Variants in ITGB6 observed in about 807,000 individuals in gnomAD.
The protein encoded by ITGB6 is integrin subunit beta 6.
In ITGB6, 80 loss-of-function variants were observed where a neutral mutation model predicts 84.5. The ratio of observed to expected loss-of-function variants is 0.95; its 90% CI spans 0.79 to 1.14. The LOEUF is 1.14. Ranked by LOEUF, ITGB6 falls within the 50% of genes most tolerant of loss-of-function variation. The pLI, the probability that ITGB6 is intolerant of heterozygous loss-of-function variation, is 0.00. For missense variants in ITGB6, 1,006 were observed against 968.0 expected (o/e 1.04, Z -0.52); for synonymous variants, 383 against 354.9 (o/e 1.08, Z -0.89).
chr2:160,107,805 C>T lies in ITGB6; in HGVS notation c.2142G>A (p.Gly714=). Residue 714 remains glycine, a synonymous_variant, in exon 14 of 15, where the codon GGG becomes GGA. Coordinates refer to ENST00000283249, the MANE Select transcript of ITGB6 (RefSeq NM_000888.5). ...CGATGAGAAGAATAGCCAGGGAAAC[C>T]CCTAACATGATCATGGGAATGTTTG... ...KPPNIPMIML[G]VSLAILLIGV... The T allele has an allele frequency of 6.2e-7, 1 of 1,613,472 alleles. No homozygotes were observed.
intron 7 of ITGB6, among the ~76,000 whole-genome samples, chr2:160,163,403 G>T (rs962148686): frequency 3.3e-5 from 5 of 152,074 alleles, no homozygotes; most frequent in Non-Finnish European, 7.3e-5. Flanking sequence ...AAGTCGAGGT[G>T]GGTGGATCAT....
At chr2:160,158,285 C>A (rs1684700147) in intron 7 of ITGB6, among the ~76,000 whole-genome samples, 1 of 152,148 alleles carries the variant, frequency 6.6e-6, no homozygotes, top group Non-Finnish European at 1.5e-5. Flanking sequence ...TCCCAGTCTG[C>A]CCAGAATGTA....
intron 4 of ITGB6, among the ~76,000 whole-genome samples, chr2:160,181,054 T>C (rs572921518): frequency 1.3e-5 from 2 of 152,130 alleles, no homozygotes; most frequent in South Asian, 4.2e-4. Context: ...AGCACAAAAC[T>C]GGGTGGCTGT....
At chr2:160,151,476 G>T (rs1684413757) in intron 7 of ITGB6, among the ~76,000 whole-genome samples, 1 of 152,138 alleles carries the variant, frequency 6.6e-6, no homozygotes, top group Non-Finnish European at 1.5e-5. Flanking sequence ...AGCACTAAAA[G>T]CCCTCAAGAG....
At chr2:160,183,081 C>A (rs1023290950) in intron 4 of ITGB6, among the ~76,000 whole-genome samples, 1 of 152,120 alleles carries the variant, frequency 6.6e-6, no homozygotes, top group African/African-American at 2.4e-5. Context: ...GAAAATGCAT[C>A]AACTAACAGG....
intron 7 of ITGB6, among the ~76,000 whole-genome samples, chr2:160,148,387 G>GACAGTGTGGTAGTTTCT (rs1451494822): frequency 1.3e-4 from 20 of 152,202 alleles, no homozygotes; most frequent in Non-Finnish European, 2.6e-4. Context: ...CACTACAAAA[G>GACAGTGTGGTAGTTTCT]ACAGTGTGGT....
rs1173581111 is a variant in ITGB6 at position 160,142,023 on chromosome 2, CCTT to C, written c.1063_1065del (p.Lys355del). Reference sequence around the variant, plus strand: ...ATCAGCTGGAGAATGTTTCCGGAGTCCTTCTGAAGTAGACCTACTGTAGCTCCA... The same window carrying C: ...ATCAGCTGGAGAATGTTTCCGGAGTCCTGAAGTAGACCTACTGTAGCTCCA... On this transcript the variant is annotated inframe_deletion, in exon 8 of 15. Coordinates refer to ENST00000283249, the MANE Select transcript of ITGB6 (RefSeq NM_000888.5). The C allele has an allele frequency of 2.5e-6, 4 of 1,610,354 alleles. No individual in the cohort carries two copies. The highest frequency in any genetic ancestry group is 2.5e-6 in the Non-Finnish European group (3 of 1,177,944).
intron 2 of ITGB6, among the ~76,000 whole-genome samples, chr2:160,197,997 C>T (rs979884788): frequency 2.0e-5 from 3 of 152,196 alleles, no homozygotes; most frequent in African/African-American, 7.2e-5. Context: ...AAGTATTATA[C>T]ACAAGTAAAG....
rs1696724484 is a variant in ITGB6 at position 160,101,681 on chromosome 2, A to G, written c.*55T>C. On this transcript the variant is annotated 3_prime_UTR_variant, in exon 15 of 15. Coordinates refer to ENST00000283249, the MANE Select transcript of ITGB6 (RefSeq NM_000888.5). ...AGCAACAAAGAGAAAAAAATTAAAT[A>G]GTGCATTAACATTTCATATCAGTGA... 2.1e-6 allele frequency: 2 copies of G among 961,322 alleles called. No homozygotes were observed. The highest frequency in any genetic ancestry group is 3.7e-5 in the Admixed American group (2 of 54,356). 59.5% of individuals were successfully genotyped at this position (961,322 alleles called of 1,614,324 possible). A position where few individuals can be genotyped will look rare whatever the true frequency, so the allele number is the denominator to read the frequency against.
At chr2:160,129,725 C>A (rs1258720958) in intron 10 of ITGB6, among the ~76,000 whole-genome samples, 1 of 152,258 alleles carries the variant, frequency 6.6e-6, no homozygotes, top group African/African-American at 2.4e-5. Context: ...TCTGGACTTT[C>A]TCTTGTAAAC....
intron 7 of ITGB6, among the ~76,000 whole-genome samples, chr2:160,157,003 G>A (rs1489784938): frequency 6.6e-6 from 1 of 152,158 alleles, no homozygotes; most frequent in East Asian, 1.9e-4. Flanking sequence ...CTGTTCTGGA[G>A]GCTGGAAGTC....
intron 12 of ITGB6, among the ~76,000 whole-genome samples, chr2:160,113,381 T>A (rs79545064): frequency 6.6e-6 from 1 of 152,358 alleles, no homozygotes; most frequent in South Asian, 2.1e-4. Flanking sequence ...TGTCTTTACA[T>A]TTTGTTTGAG....
At chr2:160,151,281 A>T (rs992863920) in intron 7 of ITGB6, among the ~76,000 whole-genome samples, 1 of 152,246 alleles carries the variant, frequency 6.6e-6, no homozygotes, top group Non-Finnish European at 1.5e-5. Flanking sequence ...AGAACTCAGG[A>T]TTAAGAAACT....
chr2:160,116,143 A>C (rs1003951232), intron 12 of ITGB6, among the ~76,000 whole-genome samples: 19 of 149,998 alleles, frequency 1.3e-4, no homozygotes, highest in African/African-American at 4.4e-4. Flanking sequence ...CAACGTTCAG[A>C]TTCAGGAAAT....
chr2:160,127,293 T>G (rs2105802809), intron 10 of ITGB6, among the ~76,000 whole-genome samples: 1 of 152,268 alleles, frequency 6.6e-6, no homozygotes, highest in East Asian at 1.9e-4. Context: ...AGGAAACATT[T>G]GCAATCTGTT....
chr2:160,178,101 C>T (rs1685504059), intron 4 of ITGB6, among the ~76,000 whole-genome samples: 1 of 152,196 alleles, frequency 6.6e-6, no homozygotes. Context: ...TCTCGAGCTC[C>T]TGACCTCAAG....
At chr2:160,115,141 G>A (rs998679608) in intron 12 of ITGB6, among the ~76,000 whole-genome samples, 1 of 152,252 alleles carries the variant, frequency 6.6e-6, no homozygotes. Flanking sequence ...CAGCTTTGAA[G>A]AGAGTAGTGG....
chr2:160,129,664 C>T (rs189334975), intron 10 of ITGB6, among the ~76,000 whole-genome samples: 2 of 152,178 alleles, frequency 1.3e-5, no homozygotes, highest in East Asian at 3.9e-4. Flanking sequence ...ACAAGTGAAA[C>T]AGGATTCTAC....
chr2:160,117,427 C>T lies in ITGB6; in HGVS notation c.1982-5228G>A, dbSNP rs368445257. Among the ~76,000 whole-genome samples the T allele has an allele frequency of 1.6e-3, 247 of 151,944 alleles. 6 individuals are homozygous for T. The East Asian group carries it at 0.033, about 20-fold the overall frequency. ...TCCTGAATGACTACTGGGTACATAA[C>T]GAAATGAAGGCAGAAATAAAGATGT... On this transcript the variant is annotated intron_variant, in intron 12 of 14. Transcript: ENST00000283249.
Sources: allele counts gnomAD v4.1 joint callset (sites outside exome capture counted in the v4.1 genomes callset), GRCh38; gene constraint gnomAD v4.1.1; transcripts MANE v1.5; gene names NCBI Gene and HGNC (gene_info 2026-07-23, HGNC 2026-07-21).